Variants in DNAH14 observed in about 807,000 individuals in gnomAD.
DNAH14 encodes axonemal beta dynein heavy chain 14.
DNAH14 carries 478 observed loss-of-function variants against 520.9 expected under a neutral mutation model. That is an observed-to-expected ratio of 0.92 (90% confidence interval 0.85 to 0.99). The LOEUF (loss-of-function observed/expected upper bound fraction) is 0.99. DNAH14 is among the 50% of genes least tolerant of loss of function. DNAH14 has a pLI of 0.00. For missense variants in DNAH14, 4,831 were observed against 5,234.5 expected (o/e 0.92, Z 2.38); for synonymous variants, 1,581 against 1,757.2 (o/e 0.90, Z 2.51).
intron 60 of DNAH14, among the ~76,000 whole-genome samples, chr1:225,318,154 A>T (rs1291948464): frequency 1.3e-5 from 2 of 152,244 alleles, no homozygotes; most frequent in Non-Finnish European, 2.9e-5. Flanking sequence ...TACTTTTGCA[A>T]AATGAAAACA....
At chr1:225,217,952 C>T (rs560599546) in intron 41 of DNAH14, among the ~76,000 whole-genome samples, 22 of 152,186 alleles carry the variant, frequency 1.4e-4, no homozygotes, top group South Asian at 6.2e-4. Context: ...AGAAATCACC[C>T]GTCTTCTGCA....
intron 52 of DNAH14, among the ~76,000 whole-genome samples, chr1:225,274,011 A>G (rs979626081): frequency 2.5e-4 from 38 of 152,040 alleles, no homozygotes; most frequent in Non-Finnish European, 2.5e-4. Flanking sequence ...GTGTGTCTTT[A>G]TGATAAAACG....
Position 225,150,771 on chromosome 1 carries a change from C to T in DNAH14, c.4941-1234C>T, listed in dbSNP as rs2080425535. On this transcript the variant is annotated intron_variant, in intron 31 of 85. Coordinates refer to ENST00000682510, the MANE Select transcript of DNAH14 (RefSeq NM_001367479.1). Reference sequence around the variant, plus strand: ...TAAGGCAGACATCTCACTCTGTTGCCCAAGCTGGAGTGCAGTGGCATGATC... The same window carrying T: ...TAAGGCAGACATCTCACTCTGTTGCTCAAGCTGGAGTGCAGTGGCATGATC... 2.0e-5 allele frequency among the ~76,000 whole-genome samples: 3 copies of T among 152,124 alleles called. No individual in the cohort carries two copies. The South Asian group carries it at 6.2e-4, about 32-fold the overall frequency.
chr1:225,358,289 A>G (rs1035464874), intron 73 of DNAH14, among the ~76,000 whole-genome samples: 1 of 152,192 alleles, frequency 6.6e-6, no homozygotes, highest in African/African-American at 2.4e-5. Flanking sequence ...TAGCGCTGGT[A>G]TCTAAGAAGG....
In DNAH14 at chr1:225,206,039, G is replaced by T. The variant is rs1257000444; in HGVS notation, c.6046G>T (p.Val2016Leu). Residue 2016 changes from valine to leucine, a missense_variant, in exon 40 of 86, where the codon GTG (valine) becomes TTG (leucine). By Grantham distance (32) the Val-to-Leu change is conservative. Coordinates refer to ENST00000682510, the MANE Select transcript of DNAH14 (RefSeq NM_001367479.1). ...DTFWVENLNS[V>L]LDDTRTLCLA... ...CTTTTGGGTAGAAAATCTGAACTCT[G>T]TGCTAGATGATACTAGAACATTGTG... 3 of 1,551,630 alleles carry T rather than the reference G, an allele frequency of 1.9e-6. No individual in the cohort carries two copies. In the East Asian group the frequency reaches 7.3e-5, roughly 38 times the overall value.
intron 4 of DNAH14, 22 bp from the exon 5 acceptor site, chr1:224,964,457 T>A (rs1379018567): frequency 6.3e-7 from 1 of 1,586,278 alleles, no homozygotes; most frequent in South Asian, 1.2e-5. Flanking sequence ...TTATACTGGA[T>A]TTTTAAATTG....
intron 8 of DNAH14, among the ~76,000 whole-genome samples, chr1:224,995,393 G>A (rs1179118718): frequency 6.6e-6 from 1 of 151,958 alleles, no homozygotes; most frequent in African/African-American, 2.4e-5. Context: ...GGCCTACAGA[G>A]TTTCTGCTGA....
At chr1:225,330,303 G>T (rs149714160) in intron 64 of DNAH14, among the ~76,000 whole-genome samples, 1 of 152,144 alleles carries the variant, frequency 6.6e-6, no homozygotes, top group Non-Finnish European at 1.5e-5. Flanking sequence ...CTACTGCTGG[G>T]TATATACCCA....
chr1:225,334,892 G>GTC (rs1241320287), intron 66 of DNAH14, among the ~76,000 whole-genome samples: 8 of 100,610 alleles, frequency 8.0e-5, no homozygotes, highest in Admixed American at 2.1e-4. Context: ...ATATGTGTGT[G>GTC]TGTGTGTGTG....
At chr1:225,124,162 A>G (rs2077507897) in intron 27 of DNAH14, among the ~76,000 whole-genome samples, 1 of 152,192 alleles carries the variant, frequency 6.6e-6, no homozygotes, top group Non-Finnish European at 1.5e-5. Context: ...GCCTTCAGCA[A>G]GTCATAATAT....
Position 225,381,581 on chromosome 1 carries a change from TA to T in DNAH14, c.13077+4del. On this transcript the variant is annotated splice_donor_region_variant and intron_variant, in intron 81 of 85. Coordinates refer to ENST00000682510, the MANE Select transcript of DNAH14 (RefSeq NM_001367479.1). ...ATGAGAGTGCCTACATTGTGGCAGG[TA>T]AGCAATTATTATTATTTCCTATTTT... is the stretch of plus-strand genomic sequence containing the variant. 1 of 1,497,706 alleles carries T rather than the reference TA, an allele frequency of 6.7e-7. No individual in the cohort carries two copies. Among genetic ancestry groups the T allele is most frequent in the Non-Finnish European group, 8.9e-7 (1 of 1,122,146 alleles). The allele number at this position is 1,497,706 out of a possible 1,614,324, so 92.8% of individuals were successfully genotyped here.
rs1450706937 is a variant in DNAH14, at chr1:225,322,754, G to A, written c.9426G>A (p.Lys3142=). The change falls in exon 62 of 86, where the codon AAG becomes AAA. Residue 3142 remains lysine (K), a synonymous_variant. Transcript: ENST00000682510. ...AGAAACCTAACTGGGCAACGGCAAA[G>A]TTACTTCTTTCAGAAACTGGTTTCC... The part of the protein sequence containing the change: ...LQKKPNWATA[K]LLLSETGFLK... 4 of 1,551,762 alleles carry A rather than the reference G, an allele frequency of 2.6e-6. No individual in the cohort carries two copies. Among genetic ancestry groups the A allele is most frequent in the Non-Finnish European group, 3.5e-6 (4 of 1,146,968 alleles).
At chr1:225,270,337 G>A (rs925941553) in intron 49 of DNAH14, among the ~76,000 whole-genome samples, 1 of 131,058 alleles carries the variant, frequency 7.6e-6, no homozygotes, top group Non-Finnish European at 1.6e-5. Flanking sequence ...TGGGGGGAGG[G>A]GGGAGGGATA....
At chr1:225,133,274 T>C (rs2078620175) in intron 27 of DNAH14, among the ~76,000 whole-genome samples, 1 of 152,214 alleles carries the variant, frequency 6.6e-6, no homozygotes, top group Non-Finnish European at 1.5e-5. Context: ...CAATTGCTTT[T>C]GGAATTTTTT....
intron 81 of DNAH14, among the ~76,000 whole-genome samples, chr1:225,384,133 T>G (rs913722152): frequency 6.6e-6 from 1 of 152,248 alleles, no homozygotes; most frequent in Non-Finnish European, 1.5e-5. Flanking sequence ...CTTTTACATT[T>G]GCTGAGGAGT....
At chr1:225,289,102 T>C (rs2093809790) in intron 54 of DNAH14, among the ~76,000 whole-genome samples, 1 of 152,090 alleles carries the variant, frequency 6.6e-6, no homozygotes, top group Non-Finnish European at 1.5e-5. Context: ...GTCCATACAA[T>C]AGAATACCAT....
rs1304565523 is a variant in DNAH14, at chr1:225,246,007, T to C, written c.6748+5185T>C. ...GGCTACAGTAACCAAAACAGCATGATACTGGTACCAAAACAAATATATAGA... is the reference window on the plus strand; with the variant it reads ...GGCTACAGTAACCAAAACAGCATGACACTGGTACCAAAACAAATATATAGA... On this transcript the variant is annotated intron_variant, in intron 43 of 85. Coordinates refer to ENST00000682510, the MANE Select transcript of DNAH14 (RefSeq NM_001367479.1). 2.0e-5 allele frequency among the ~76,000 whole-genome samples: 3 copies of C among 147,286 alleles called. No homozygotes were observed. The East Asian group carries it at 6.0e-4, about 30-fold the overall frequency.
chr1:225,252,405 C>T lies in DNAH14; in HGVS notation c.6853C>T (p.Leu2285=). ...AGATTTAGTTCCTAATGATCAGACA[C>T]TAATTCAAAGAGGTAAGAATAATTA... is the stretch of plus-strand genomic sequence containing the variant. ...WSDLVPNDQT[L]IQRGTSLLTN... The change falls in exon 44 of 86, where the codon CTA becomes TTA. Residue 2285 remains leucine (L), a synonymous_variant. Transcript: ENST00000682510. The T allele has an allele frequency of 1.3e-6, 2 of 1,503,762 alleles. No individual in the cohort carries two copies. Among genetic ancestry groups the T allele is most frequent in the Non-Finnish European group, 1.8e-6 (2 of 1,105,056 alleles). 93.2% of individuals were successfully genotyped at this position (1,503,762 alleles called of 1,614,324 possible).
At chr1:225,071,149 G>GT (rs2071501547) in intron 17 of DNAH14, among the ~76,000 whole-genome samples, 2 of 152,148 alleles carry the variant, frequency 1.3e-5, no homozygotes, top group South Asian at 4.1e-4. Flanking sequence ...ACCACTCTGT[G>GT]TTTTTTAATT....
Sources: allele counts gnomAD v4.1 joint callset (sites outside exome capture counted in the v4.1 genomes callset), GRCh38; gene constraint gnomAD v4.1.1; transcripts MANE v1.5; gene names NCBI Gene and HGNC (gene_info 2026-07-23, HGNC 2026-07-21).